The following COL6A5 variants were observed in gnomAD, a reference collection of about 807,000 sequenced individuals.
COL6A5 encodes the protein collagen alpha-5(VI) chain.
In COL6A5, 48 loss-of-function variants were observed where a neutral mutation model predicts 65.6. The observed-to-expected ratio is 0.73, with a 90% CI of 0.58 to 0.93. The LOEUF (loss-of-function observed/expected upper bound fraction) is 0.93, where lower values mean the gene tolerates loss of function less well. Among genes scored for constraint, COL6A5 ranks in the 40% least tolerant of loss-of-function variants. COL6A5 has a pLI of 0.00. For synonymous variants in COL6A5, 291 were observed against 322.8 expected (o/e 0.90, Z 1.05); for missense variants, 914 against 928.3 (o/e 0.98, Z 0.20).
intron 7 of COL6A5, among the ~76,000 whole-genome samples, chr3:130,393,462 G>A (rs1459336375): frequency 6.6e-6 from 1 of 152,126 alleles, no homozygotes; most frequent in African/African-American, 2.4e-5. Flanking sequence ...TCTATCAAAA[G>A]ACTACAAGCT....
intron 1 of COL6A5, among the ~76,000 whole-genome samples, chr3:130,359,163 A>G (rs1935023294): frequency 6.6e-6 from 1 of 152,182 alleles, no homozygotes; most frequent in Non-Finnish European, 1.5e-5. Context: ...ATGATTATTA[A>G]TACAGTATGA....
intron 1 of COL6A5, among the ~76,000 whole-genome samples, chr3:130,438,683 A>G (rs9857509): frequency 0.86 from 130,902 of 152,156 alleles, 57,099 homozygotes; most frequent in Non-Finnish European, 0.93. Context: ...ATTTGCTCAG[A>G]GAGAAAGAGA....
At chr3:130,345,762 A>G in exon 1 of COL6A5, 1 of 398,700 alleles carries the variant, frequency 2.5e-6, no homozygotes, top group Non-Finnish European at 4.4e-6. Context: ...AGACCCTCTC[A>G]GGGCACGAGG....
intron 7 of COL6A5, chr3:130,471,731 G>A: frequency 6.5e-7 from 1 of 1,534,410 alleles, no homozygotes; most frequent in Non-Finnish European, 8.7e-7. Flanking sequence ...TGATCTGTTT[G>A]ATGAATTTGA....
chr3:130,410,690 A>G (rs761846208), intron 20 of COL6A5, among the ~76,000 whole-genome samples, 166 bp downstream of exon 20: 1 of 152,138 alleles, frequency 6.6e-6, no homozygotes, highest in Non-Finnish European at 1.5e-5. Context: ...ATTTCTTGTG[A>G]ATGGCTATGC....
intron 2 of COL6A5, 98 bp downstream of exon 34, chr3:130,439,713 C>A: frequency 1.2e-6 from 1 of 826,388 alleles, no homozygotes; most frequent in South Asian, 1.7e-5. Context: ...TATTTTTAAT[C>A]ATAGGTTCTA....
upstream of COL6A5, chr3:130,429,632 A>G: frequency 6.7e-7 from 1 of 1,495,652 alleles, no homozygotes; most frequent in Non-Finnish European, 9.0e-7. Context: ...TTACTGCTGC[A>G]TTCCAACAAG....
intron 24 of COL6A5, among the ~76,000 whole-genome samples, chr3:130,417,701 G>T (rs1330606005): frequency 6.6e-6 from 1 of 152,128 alleles, no homozygotes; most frequent in African/African-American, 2.4e-5. Flanking sequence ...TGACTCCCCT[G>T]TTTAAAACCT....
rs75854112 is a variant in COL6A5 at position 130,419,437 on chromosome 3, G to A, written c.4950+506G>A. Among the ~76,000 whole-genome samples the A allele has an allele frequency of 6.0e-3, 909 of 152,182 alleles. 12 individuals are homozygous for A. The highest frequency in any genetic ancestry group is 0.02 in the African/African-American group (842 of 41,532). ...TAAAAAATTAATGTTTATTACAAAC[G>A]TTATACATAGATATCATAGAAAATT... On this transcript the variant is annotated intron_variant and NMD_transcript_variant, in intron 25 of 41. Coordinates refer to the COL6A5 transcript ENST00000312481.
At chr3:130,415,744 A>C in intron 23 of COL6A5, 37 bp downstream of exon 23, 35 of 1,472,604 alleles carry the variant, frequency 2.4e-5, no homozygotes, top group Non-Finnish European at 3.0e-5. Flanking sequence ...AATGACTCTC[A>C]ACAGTTATTT....
Position 130,409,315 on chromosome 3 carries a change from AT to A in COL6A5, c.4480-4del. On this transcript the variant is annotated splice_polypyrimidine_tract_variant and intron_variant and NMD_transcript_variant, in intron 17 of 41. Coordinates refer to the COL6A5 transcript ENST00000312481. ...ACAAGCTAACTCAGAAATTCATTTC[AT>A]TTTTTTCAGGGCAGCCCAGGTTCCA... 3 of 1,534,456 alleles carry A rather than the reference AT, an allele frequency of 2.0e-6. No homozygotes were observed. The highest frequency in any genetic ancestry group is 1.8e-6 in the Non-Finnish European group (2 of 1,140,744).
At position 130,387,912 on chromosome 3, in the gene COL6A5, A is replaced by G. The variant is rs375873859; in HGVS notation, c.1862-668A>G. 6.1e-4 allele frequency among the ~76,000 whole-genome samples: 93 copies of G among 152,000 alleles called. 1 individual carries two copies. The South Asian group carries it at 0.018, about 30-fold the overall frequency. Reference sequence around the variant, plus strand: ...GTCTATATTATACATAGAACAATGAACATACATATGTGTGTATATATATGT... The same window carrying G: ...GTCTATATTATACATAGAACAATGAGCATACATATGTGTGTATATATATGT... On this transcript the variant is annotated intron_variant and NMD_transcript_variant, in intron 5 of 41. Transcript: ENST00000312481.
upstream of COL6A5, among the ~76,000 whole-genome samples, chr3:130,427,166 A>G (rs1937622351): frequency 6.6e-6 from 1 of 152,190 alleles, no homozygotes; most frequent in Non-Finnish European, 1.5e-5. Flanking sequence ...AATATTATAA[A>G]ATGAAATTGA....
chr3:130,372,693 A>G (rs919959812), intron 1 of COL6A5, among the ~76,000 whole-genome samples: 5 of 152,080 alleles, frequency 3.3e-5, no homozygotes, highest in African/African-American at 4.8e-5. Context: ...AATGACTGCT[A>G]TGGGTTTGGG....
chr3:130,437,091 C>A (rs1208954122), intron 1 of COL6A5, among the ~76,000 whole-genome samples: 2 of 152,092 alleles, frequency 1.3e-5, no homozygotes, highest in Non-Finnish European at 2.9e-5. Context: ...AAATCCCATT[C>A]TTCTACTTGC....
At chr3:130,470,697 T>TTGGCAA (rs1709929018) in intron 6 of COL6A5, among the ~76,000 whole-genome samples, 174 bp from the exon 39 acceptor site, 1 of 152,092 alleles carries the variant, frequency 6.6e-6, no homozygotes. Flanking sequence ...CTGTATCTTC[T>TTGGCAA]TGACTTTGCC....
rs1184871633 is a variant in COL6A5, at chr3:130,362,289, CATATATAT to C, written c.-28-11291_-28-11284del. Among the ~76,000 whole-genome samples the C allele has an allele frequency of 5.3e-3, 66 of 12,484 alleles. 5 individuals carry two copies. In the East Asian group the frequency reaches 0.062, roughly 12 times the overall value. 8.2% of individuals were successfully genotyped at this position (12,484 alleles called of 152,430 possible). ...CTCTCTCTTTGTCTCTGTCTTTCTC[CATATATAT>C]ATATATATATATATATATATATATA... is the stretch of plus-strand genomic sequence containing the variant. On this transcript the variant is annotated intron_variant and NMD_transcript_variant, in intron 1 of 41. Transcript: ENST00000312481.
intron 5 of COL6A5, among the ~76,000 whole-genome samples, chr3:130,457,898 G>A (rs755669372): frequency 2.0e-5 from 3 of 152,062 alleles, no homozygotes; most frequent in Non-Finnish European, 4.4e-5. Flanking sequence ...ATAAAAGGTT[G>A]ATAAGTTTCA....
At chr3:130,415,064 C>T (rs1156969143) in intron 22 of COL6A5, among the ~76,000 whole-genome samples, 1 of 152,092 alleles carries the variant, frequency 6.6e-6, no homozygotes, top group African/African-American at 2.4e-5. Context: ...TCAAGGCTCA[C>T]CTGATGGCTC....
Sources: allele counts gnomAD v4.1 joint callset (sites outside exome capture counted in the v4.1 genomes callset), GRCh38; gene constraint gnomAD v4.1.1; transcripts MANE v1.5; gene names NCBI Gene and HGNC (gene_info 2026-07-23, HGNC 2026-07-21).